AFF2: variants seen among roughly 807,000 people sequenced by gnomAD.
The protein encoded by AFF2 is ALF transcription elongation factor 2, also known as AF4/FMR2 family member 2.
In AFF2, 14 loss-of-function variants were observed where a neutral mutation model predicts 76.9. The observed-to-expected ratio is 0.18, with a 90% CI of 0.12 to 0.28. The LOEUF is 0.28. Among genes scored for constraint, AFF2 ranks in the 10% least tolerant of loss-of-function variants. The probability of loss-of-function intolerance (pLI) is 1.00; values close to 1 mark genes in which losing one functional copy is unlikely to be tolerated. For missense variants in AFF2, 868 were observed against 1,001.1 expected (o/e 0.87, Z 1.79); for synonymous variants, 398 against 366.7 (o/e 1.09, Z -0.98).
intron 7 of AFF2, among the ~76,000 whole-genome samples, 188 bp downstream of exon 7, chrX:148,843,621 G>A (rs1290929061): frequency 9.0e-6 from 1 of 111,535 alleles, no homozygotes; most frequent in African/African-American, 3.3e-5. Flanking sequence ...TACTTGGACT[G>A]CTATAACAAA....
At chrX:148,907,141 C>G (rs1438824675) in intron 9 of AFF2, among the ~76,000 whole-genome samples, 1 of 112,033 alleles carries the variant, frequency 8.9e-6, no homozygotes, top group African/African-American at 3.3e-5. Context: ...GAACAAAGAT[C>G]CCCCCGGTAA....
At chrX:148,894,987 G>C (rs1346981745) in intron 8 of AFF2, among the ~76,000 whole-genome samples, 1 of 111,461 alleles carries the variant, frequency 9.0e-6, no homozygotes, top group East Asian at 2.8e-4. Context: ...GCAAAAGCAA[G>C]TAGGGCTTTA....
Position 148,662,157 on chromosome X carries a change from C to T in AFF2, c.430C>T (p.Leu144=), listed in dbSNP as rs782642875. The part of the protein sequence containing the change: ...APMPPPSVVI[L]NSTLIHSNRK... ...AATGCCTCCACCTTCTGTTGTGATACTGAATTCAACTCTAATACACAGCAA... is the reference window on the plus strand; with the variant it reads ...AATGCCTCCACCTTCTGTTGTGATATTGAATTCAACTCTAATACACAGCAA... Residue 144 remains leucine, a synonymous_variant, in exon 3 of 21, where the codon CTG becomes TTG. Coordinates refer to ENST00000370460, the MANE Select transcript of AFF2 (RefSeq NM_002025.4). The T allele has an allele frequency of 4.1e-6, 5 of 1,210,187 alleles. No homozygotes were observed. Among genetic ancestry groups the T allele is most frequent in the Middle Eastern group, 2.3e-4 (1 of 4,352 alleles).
At chrX:148,556,368 G>A (rs1737296560) in intron 1 of AFF2, among the ~76,000 whole-genome samples, 1 of 111,519 alleles carries the variant, frequency 9.0e-6, no homozygotes, top group African/African-American at 3.3e-5. Context: ...TTATAGCCGT[G>A]GTTCCGGGCG....
intron 3 of AFF2, among the ~76,000 whole-genome samples, chrX:148,777,475 T>C: frequency 8.9e-6 from 1 of 112,411 alleles, no homozygotes. Context: ...ATATTAATTC[T>C]TCCTATCCAT....
At chrX:148,872,732 G>A (rs1335278694) in intron 7 of AFF2, among the ~76,000 whole-genome samples, 2 of 111,810 alleles carry the variant, frequency 1.8e-5, no homozygotes, top group Admixed American at 1.9e-4. Flanking sequence ...TGATCAGGAT[G>A]CCAGTATGGT....
At chrX:148,606,163 A>G (rs184018560) in intron 1 of AFF2, among the ~76,000 whole-genome samples, 458 of 112,086 alleles carry the variant, frequency 4.1e-3, no homozygotes, top group South Asian at 8.5e-3. Flanking sequence ...GGAAACTTTT[A>G]CAAAATAAAT....
chrX:148,523,757 C>T (rs1278852330), intron 1 of AFF2, among the ~76,000 whole-genome samples: 1 of 112,144 alleles, frequency 8.9e-6, no homozygotes, highest in Non-Finnish European at 1.9e-5. Context: ...CTTTTCTTTT[C>T]TCTTTCATGT....
At chrX:148,570,884 C>G (rs1032720818) in intron 1 of AFF2, among the ~76,000 whole-genome samples, 1 of 110,717 alleles carries the variant, frequency 9.0e-6, no homozygotes, top group Admixed American at 9.7e-5. Context: ...ATCCTCTTGC[C>G]TCTATGTGTG....
intron 9 of AFF2, among the ~76,000 whole-genome samples, chrX:148,932,797 C>A (rs1557284539): frequency 1.8e-5 from 2 of 112,174 alleles, no homozygotes; most frequent in Non-Finnish European, 1.9e-5. Context: ...AAAACACACA[C>A]TTTTACATCT....
chrX:148,567,535 G>A (rs782259637), intron 1 of AFF2, among the ~76,000 whole-genome samples: 2 of 111,588 alleles, frequency 1.8e-5, no homozygotes, highest in South Asian at 3.8e-4. Flanking sequence ...AACTGCTGAA[G>A]TATCCCAGAA....
chrX:148,832,947 T>A (rs2070472233), intron 4 of AFF2, among the ~76,000 whole-genome samples: 1 of 112,083 alleles, frequency 8.9e-6, no homozygotes, highest in Admixed American at 9.4e-5. Flanking sequence ...ATCATTTGCA[T>A]TCATTAAGGT....
At chrX:148,718,421 G>A (rs2055051830) in intron 3 of AFF2, among the ~76,000 whole-genome samples, 1 of 110,891 alleles carries the variant, frequency 9.0e-6, no homozygotes, top group African/African-American at 3.3e-5. Flanking sequence ...GACTAGAAGC[G>A]TGGATTTGGG....
chrX:148,821,528 TC>T (rs781784639), intron 4 of AFF2, among the ~76,000 whole-genome samples: 1 of 110,579 alleles, frequency 9.0e-6, no homozygotes, highest in Non-Finnish European at 1.9e-5. Context: ...TGCAGACTTC[TC>T]CCCCTTTATC....
At chrX:148,537,628 C>A (rs1557236786) in intron 1 of AFF2, among the ~76,000 whole-genome samples, 1 of 109,656 alleles carries the variant, frequency 9.1e-6, no homozygotes, top group East Asian at 2.9e-4. Flanking sequence ...ATATAGTTTG[C>A]AGTGTATGTT....
At position 148,594,380 on chromosome X, in the gene AFF2, A is replaced by G. The variant is rs2053551028; in HGVS notation, c.48-57619A>G. ...AGAAGTAACATCAGGCACATAATTC[A>G]TGTTTTAAAAGAAGAGAGAAAGAGA... On this transcript the variant is annotated intron_variant, in intron 1 of 20. Transcript: ENST00000370460. Among the ~76,000 whole-genome samples the G allele has an allele frequency of 2.7e-5, 3 of 112,430 alleles. No homozygotes were observed. The South Asian group carries it at 1.1e-3, about 41-fold the overall frequency.
At chrX:148,751,375 C>G (rs1444926928) in intron 3 of AFF2, among the ~76,000 whole-genome samples, 1 of 112,213 alleles carries the variant, frequency 8.9e-6, no homozygotes, top group Non-Finnish European at 1.9e-5. Flanking sequence ...ATTATTCCCT[C>G]TATGCAATAG....
chrX:148,718,956 T>G, intron 3 of AFF2: 1 of 605,521 alleles, frequency 1.7e-6, no homozygotes, highest in Non-Finnish European at 2.4e-6. Flanking sequence ...TTCAGGTGTC[T>G]AAGAATGGAT....
intron 9 of AFF2, among the ~76,000 whole-genome samples, chrX:148,939,512 G>T (rs782333593): frequency 8.9e-6 from 1 of 112,042 alleles, no homozygotes; most frequent in African/African-American, 3.2e-5. Flanking sequence ...ATCATGGCTA[G>T]AACCCAAATG....
Sources: allele counts gnomAD v4.1 joint callset (sites outside exome capture counted in the v4.1 genomes callset), GRCh38; gene constraint gnomAD v4.1.1; transcripts MANE v1.5; gene names NCBI Gene and HGNC (gene_info 2026-07-23, HGNC 2026-07-21).